The following ZNF616 variants were observed in gnomAD, a reference collection of about 807,000 sequenced individuals.
ZNF616 encodes the protein zinc finger protein 616.
In ZNF616, 5 loss-of-function variants were observed where a neutral mutation model predicts 7.6. The observed-to-expected ratio is 0.66, with a 90% CI of 0.34 to 1.38. The LOEUF is 1.38. Ranked by LOEUF, ZNF616 falls within the 40% of genes most tolerant of loss-of-function variation. ZNF616 has a pLI of 0.04. For synonymous variants in ZNF616, 319 were observed against 317.2 expected (o/e 1.01, Z -0.06); for missense variants, 913 against 948.3 (o/e 0.96, Z 0.49).
intron 1 of ZNF616, among the ~76,000 whole-genome samples, chr19:52,134,287 C>T (rs946155451): frequency 2.6e-5 from 4 of 152,230 alleles, no homozygotes; most frequent in Admixed American, 6.5e-5. Flanking sequence ...GAGGGAAGCA[C>T]ATCTCACATG....
chr19:52,136,168 A>C, intron 1 of ZNF616, among the ~76,000 whole-genome samples: 1 of 146,494 alleles, frequency 6.8e-6, no homozygotes. Flanking sequence ...GGGGCAAAGG[A>C]CCTGAACATT....
At chr19:52,127,346 C>T (rs2088918658) in intron 2 of ZNF616, among the ~76,000 whole-genome samples, 1 of 152,138 alleles carries the variant, frequency 6.6e-6, no homozygotes, top group African/African-American at 2.4e-5. Flanking sequence ...TGAGCCACCA[C>T]ACCCGGCCAA....
chr19:52,137,074 T>TATATATATAC (rs1491194803), intron 1 of ZNF616, among the ~76,000 whole-genome samples: 1 of 142,844 alleles, frequency 7.0e-6, no homozygotes, highest in East Asian at 2.1e-4. Context: ...TATATATATA[T>TATATATATAC]ACAGAGTGTG....
At position 52,116,243 on chromosome 19, in the gene ZNF616, A is replaced by T; in HGVS notation, c.921T>A (p.Ser307Arg). ...YKCNLCGKSFSQRVHLRLHQT... is the reference protein window; with the variant it reads ...YKCNLCGKSFRQRVHLRLHQT... ...GATGAAGTCTAAGATGGACACGCTGACTAAAGGATTTCCCACACAGATTAC... is the reference window on the plus strand; with the variant it reads ...GATGAAGTCTAAGATGGACACGCTGTCTAAAGGATTTCCCACACAGATTAC... The change falls in exon 4 of 4, where the codon AGT becomes AGA. Residue 307 changes from serine to arginine, a missense_variant. By Grantham distance (110) the Ser-to-Arg change is moderately radical. Coordinates refer to ENST00000600228, the MANE Select transcript of ZNF616 (RefSeq NM_178523.5). The T allele has an allele frequency of 6.2e-7, 1 of 1,614,120 alleles. No homozygotes were observed. Among genetic ancestry groups the T allele is most frequent in the South Asian group, 1.1e-5 (1 of 91,074 alleles).
At chr19:52,137,053 G>GTGTGTATATATATATATATATATATA (rs958896902) in intron 1 of ZNF616, among the ~76,000 whole-genome samples, 9 of 143,736 alleles carry the variant, frequency 6.3e-5, no homozygotes, top group African/African-American at 2.3e-4. Flanking sequence ...TTATGTATGT[G>GTGTGTATATATATATATATATATATA]TATATATATA....
chr19:52,116,001 T>C lies in ZNF616; in HGVS notation c.1163A>G (p.Lys388Arg). 1 of 1,614,250 alleles carries C rather than the reference T, an allele frequency of 6.2e-7. No homozygotes were observed. Among genetic ancestry groups the C allele is most frequent in the South Asian group, 1.1e-5 (1 of 91,088 alleles). The stretch of plus-strand genomic sequence containing the variant: ...AAGACTTGAACGTTTACTGAAGACC[T>C]TGCCACATTCATTGCATTTGTATTG... Reference protein sequence around the residue: ...EKQYKCNECGKVFSKRSSLAV... With the variant: ...EKQYKCNECGRVFSKRSSLAV... Residue 388 changes from lysine to arginine, a missense_variant, in exon 4 of 4, where the codon AAG becomes AGG. Coordinates refer to ENST00000600228, the MANE Select transcript of ZNF616 (RefSeq NM_178523.5).
At chr19:52,123,867 GAA>G in intron 3 of ZNF616, 54 bp downstream of exon 3, 1 of 1,608,406 alleles carries the variant, frequency 6.2e-7, no homozygotes, top group South Asian at 1.1e-5. Context: ...GACAACAGAG[GAA>G]ATACAAAAAT....
In ZNF616 at chr19:52,129,025, C is replaced by A. The variant is rs150736072; in HGVS notation, c.12+1476G>T. On this transcript the variant is annotated intron_variant, in intron 2 of 3. Coordinates refer to ENST00000600228, the MANE Select transcript of ZNF616 (RefSeq NM_178523.5). ...GTGGTGGTTCACACTGTAATCCCAG[C>A]ACTTTGGGAGGCTGAGGCAGGCGGA... Among the ~76,000 whole-genome samples, 44 of 151,824 alleles carry A rather than the reference C, an allele frequency of 2.9e-4. 2 individuals are homozygous for A. In the East Asian group the frequency reaches 8.4e-3, roughly 29 times the overall value.
At position 52,116,491 on chromosome 19, in the gene ZNF616, C is replaced by A. The variant is rs998769717; in HGVS notation, c.673G>T (p.Ala225Ser). 2.5e-6 allele frequency: 4 copies of A among 1,613,626 alleles called. No individual in the cohort carries two copies. The highest frequency in any genetic ancestry group is 1.1e-5 in the South Asian group (1 of 91,060). Residue 225 changes from alanine (A) to serine (S), a missense_variant, in exon 4 of 4, where the codon GCC becomes TCC. Coordinates refer to ENST00000600228, the MANE Select transcript of ZNF616 (RefSeq NM_178523.5). ...ACCTTGTGTACAGTTAGTAGTGAGGCCCGATGAAAGGCTTTGCCACACTCA... is the reference window on the plus strand; with the variant it reads ...ACCTTGTGTACAGTTAGTAGTGAGGACCGATGAAAGGCTTTGCCACACTCA... ...CNECGKAFHR[A>S]SLLTVHKVVH...
rs1226575808 is a variant in ZNF616 at position 52,113,869 on chromosome 19, G to A, written c.*949C>T. On this transcript the variant is annotated 3_prime_UTR_variant, in exon 4 of 4. Transcript: ENST00000600228. ...TCTTTATTCAGTCTATCACTGATAA[G>A]CATTTGGGTTGATTCCAGGTCTTTG... 6.6e-6 allele frequency: 1 copy of A among 152,148 alleles called. No homozygotes were observed. Among genetic ancestry groups the A allele is most frequent in the Non-Finnish European group, 1.5e-5 (1 of 68,030 alleles). The allele number at this position is 152,148 out of a possible 1,614,324, so 9.4% of individuals were successfully genotyped here. A position where few individuals can be genotyped will look rare whatever the true frequency, so the allele number is the denominator to read the frequency against.
intron 1 of ZNF616, among the ~76,000 whole-genome samples, chr19:52,137,053 G>GTGTATATATATATATATATA (rs958896902): frequency 1.0e-3 from 144 of 143,686 alleles, no homozygotes; most frequent in African/African-American, 3.5e-3. Context: ...TTATGTATGT[G>GTGTATATATATATATATATA]TATATATATA....
At chr19:52,117,057 A>T (rs765290706) in intron 3 of ZNF616, 33 bp from the exon 4 acceptor site, 2 of 1,503,004 alleles carry the variant, frequency 1.3e-6, no homozygotes, top group East Asian at 2.3e-5. Flanking sequence ...GTTTTTTTTT[A>T]AACTACTACT....
At chr19:52,124,618 G>C (rs2088890964) in intron 2 of ZNF616, among the ~76,000 whole-genome samples, 1 of 152,190 alleles carries the variant, frequency 6.6e-6, no homozygotes, top group South Asian at 2.1e-4. Flanking sequence ...GAAAATGGCA[G>C]AGCAAGCATC....
rs778347763 is a variant in ZNF616 at position 52,116,384 on chromosome 19, T to C, written c.780A>G (p.Gln260=). 2.5e-6 allele frequency: 4 copies of C among 1,614,006 alleles called. No individual in the cohort carries two copies. In the South Asian group the frequency reaches 4.4e-5, roughly 18 times the overall value. ...AGGGTTTCTGTCCAGTGTGACTCCT[T>C]TGGTGTCTTACAAAATATGAATTTT... ...FRKNSYFVRH[Q]RSHTGQKPYI... is the part of the protein sequence containing the mutation. Residue 260 remains glutamine (Q), a synonymous_variant, in exon 4 of 4, where the codon CAA becomes CAG. Coordinates refer to ENST00000600228, the MANE Select transcript of ZNF616 (RefSeq NM_178523.5).
chr19:52,126,107 A>T (rs936623674), intron 2 of ZNF616, among the ~76,000 whole-genome samples: 2 of 152,238 alleles, frequency 1.3e-5, no homozygotes, highest in African/African-American at 4.8e-5. Context: ...CAAATGCTGA[A>T]GTCACAAAAG....
chr19:52,119,675 C>CA (rs1353568140), intron 3 of ZNF616, among the ~76,000 whole-genome samples: 1 of 151,430 alleles, frequency 6.6e-6, no homozygotes, highest in South Asian at 2.1e-4. Context: ...TGACTTTGGA[C>CA]AAAAAAAGAA....
chr19:52,118,855 C>A (rs2088845519), intron 3 of ZNF616, among the ~76,000 whole-genome samples: 1 of 152,178 alleles, frequency 6.6e-6, no homozygotes, highest in Non-Finnish European at 1.5e-5. Context: ...ATTTAACACA[C>A]AAGCAGTTAG....
chr19:52,115,643 A>G lies in ZNF616; in HGVS notation c.1521T>C (p.Arg507=), dbSNP rs774200431. 1.2e-6 allele frequency: 2 copies of G among 1,613,888 alleles called. No individual in the cohort carries two copies. The highest frequency in any genetic ancestry group is 8.5e-7 in the Non-Finnish European group (1 of 1,179,960). The change falls in exon 4 of 4, where the codon CGT becomes CGC. Residue 507 remains arginine (R), a synonymous_variant. Coordinates refer to ENST00000600228, the MANE Select transcript of ZNF616 (RefSeq NM_178523.5). ...TATGAATTCTCCGATGCACTGCAAG[A>G]CGTGAATGTTGACTGAAGACCTTGC... ...ECGKVFSQHS[R]LAVHRRIHTG...
At position 52,113,839 on chromosome 19, in the gene ZNF616, C is replaced by A. The variant is rs1045725486; in HGVS notation, c.*979G>T. ...AGTATCCCATGGTGTATATGTACCA[C>A]ATTTTCTTTATTCAGTCTATCACTG... On this transcript the variant is annotated 3_prime_UTR_variant, in exon 4 of 4. Coordinates refer to ENST00000600228, the MANE Select transcript of ZNF616 (RefSeq NM_178523.5). The A allele has an allele frequency of 6.7e-6, 1 of 149,694 alleles. No homozygotes were observed. The highest frequency in any genetic ancestry group is 1.5e-5 in the Non-Finnish European group (1 of 68,028). The allele number at this position is 149,694 out of a possible 1,614,324, so 9.3% of individuals were successfully genotyped here. A position where few individuals can be genotyped will look rare whatever the true frequency, so the allele number is the denominator to read the frequency against.
Sources: gnomAD v4.1 joint callset for allele counts (sites outside exome capture counted in the v4.1 genomes callset) on GRCh38, gnomAD v4.1.1 for gene constraint, MANE v1.5 for transcripts, NCBI Gene and HGNC (gene_info 2026-07-23, HGNC 2026-07-21) for gene names.